Variants in HEMK2 observed in about 807,000 individuals in gnomAD.
HEMK2 encodes the protein methyltransferase HEMK2.
the HEMK2 span, among the ~76,000 whole-genome samples, chr21:28,810,969 C>T: frequency 7.2e-5 from 11 of 152,180 alleles, no homozygotes; most frequent in Admixed American, 2.6e-4. Flanking sequence ...AATCATGTGG[C>T]GAGACTTTCA....
chr21:28,771,525 C>CCCA, the HEMK2 span, among the ~76,000 whole-genome samples: 1 of 143,294 alleles, frequency 7.0e-6, no homozygotes, highest in African/African-American at 2.5e-5. Flanking sequence ...ACCACCCCCC[C>CCCA]CCGCCAAAGA....
At chr21:28,679,247 A>C in the HEMK2 span, among the ~76,000 whole-genome samples, 1 of 152,226 alleles carries the variant, frequency 6.6e-6, no homozygotes, top group South Asian at 2.1e-4. Context: ...TTGCAATCCT[A>C]GTCTCAGATA....
At chr21:28,749,128 C>A in the HEMK2 span, among the ~76,000 whole-genome samples, 24,359 of 146,738 alleles carry the variant, frequency 0.17, 2,219 homozygotes, top group East Asian at 0.27. Context: ...GTAGGAGATT[C>A]CAGCATTGGC....
chr21:28,674,404 A>G, the HEMK2 span, among the ~76,000 whole-genome samples: 1 of 152,112 alleles, frequency 6.6e-6, no homozygotes, highest in Non-Finnish European at 1.5e-5. Context: ...CTCGCTCAAG[A>G]TCCAAGAACC....
the HEMK2 span, among the ~76,000 whole-genome samples, chr21:28,776,807 G>T: frequency 1.3e-5 from 2 of 152,192 alleles, no homozygotes; most frequent in Admixed American, 6.5e-5. Context: ...AAGGATGAAG[G>T]CTGGAAGACT....
chr21:28,726,929 A>G, the HEMK2 span, among the ~76,000 whole-genome samples: 1 of 151,792 alleles, frequency 6.6e-6, no homozygotes, highest in Non-Finnish European at 1.5e-5. Flanking sequence ...CTTTATTCTG[A>G]GCAAAGAATA....
chr21:28,879,879 T>G, the HEMK2 span: 1 of 1,577,912 alleles, frequency 6.3e-7, no homozygotes, highest in East Asian at 2.3e-5. Context: ...CCTCTTGAGG[T>G]GGAGTCACTA....
the HEMK2 span, among the ~76,000 whole-genome samples, chr21:28,808,249 GACC>G: frequency 6.6e-6 from 1 of 152,108 alleles, no homozygotes; most frequent in African/African-American, 2.4e-5. Flanking sequence ...CTCATTTCAG[GACC>G]ACATTACCTT....
chr21:28,736,626 A>C, the HEMK2 span, among the ~76,000 whole-genome samples: 6 of 151,954 alleles, frequency 3.9e-5, no homozygotes, highest in Non-Finnish European at 7.4e-5. Context: ...TTAGCTGGGC[A>C]TGGTGGCGCA....
the HEMK2 span, chr21:28,743,240 T>C: frequency 2.0e-5 from 3 of 152,150 alleles, no homozygotes; most frequent in East Asian, 1.9e-4. Flanking sequence ...TAGATTAGCA[T>C]GGCCTCTGCG....
the HEMK2 span, among the ~76,000 whole-genome samples, chr21:28,775,972 A>T: frequency 6.3e-5 from 8 of 126,164 alleles, no homozygotes; most frequent in Non-Finnish European, 7.6e-5. Flanking sequence ...AGGTGAGGGT[A>T]AAAAAAAAAG....
the HEMK2 span, among the ~76,000 whole-genome samples, chr21:28,716,141 G>A: frequency 2.6e-5 from 4 of 151,832 alleles, no homozygotes; most frequent in African/African-American, 7.3e-5. Flanking sequence ...TTGGTTCCAT[G>A]TGAACTTTAG....
the HEMK2 span, among the ~76,000 whole-genome samples, chr21:28,824,539 G>A: frequency 9.9e-5 from 15 of 152,226 alleles, no homozygotes; most frequent in South Asian, 1.0e-3. Context: ...GAAGAAAAAC[G>A]TATTAGTATT....
At chr21:28,714,055 T>C in the HEMK2 span, among the ~76,000 whole-genome samples, 75 of 152,344 alleles carry the variant, frequency 4.9e-4, no homozygotes, top group African/African-American at 1.6e-3. Flanking sequence ...GCCAGAATAA[T>C]AGGTAACAGT....
chr21:28,742,711 G>A, the HEMK2 span, among the ~76,000 whole-genome samples: 3 of 151,776 alleles, frequency 2.0e-5, no homozygotes, highest in East Asian at 1.9e-4. Flanking sequence ...GGGAGATAAC[G>A]ACACAGTGGT....
chr21:28,617,206 C>A, the HEMK2 span, among the ~76,000 whole-genome samples: 1 of 152,084 alleles, frequency 6.6e-6, no homozygotes, highest in African/African-American at 2.4e-5. Context: ...AAGAACCTTC[C>A]ACACAGAGGC....
the HEMK2 span, among the ~76,000 whole-genome samples, chr21:28,734,812 G>A: frequency 1.1e-4 from 17 of 152,374 alleles, no homozygotes; most frequent in East Asian, 3.3e-3. Flanking sequence ...TATAAAGACA[G>A]ACTTTATATC....
chr21:28,869,864 G>A, the HEMK2 span, among the ~76,000 whole-genome samples: 4 of 152,132 alleles, frequency 2.6e-5, no homozygotes, highest in Non-Finnish European at 5.9e-5. Context: ...CTGTAAGATC[G>A]TGGCCCAGTT....
At chr21:28,576,958 G>C in the HEMK2 span, among the ~76,000 whole-genome samples, 1 of 152,240 alleles carries the variant, frequency 6.6e-6, no homozygotes, top group African/African-American at 2.4e-5. Flanking sequence ...TGATCCACCC[G>C]CCTCAGCTTC....
Sources: gnomAD v4.1 joint callset for allele counts (sites outside exome capture counted in the v4.1 genomes callset) on GRCh38, gnomAD v4.1.1 for gene constraint, MANE v1.5 for transcripts, NCBI Gene and HGNC (gene_info 2026-07-23, HGNC 2026-07-21) for gene names.